Variants in EDAR observed in about 807,000 individuals in gnomAD.
EDAR encodes the protein tumor necrosis factor receptor superfamily member EDAR.
EDAR carries 38 observed loss-of-function variants against 51.3 expected under a neutral mutation model. That is an observed-to-expected ratio of 0.74 (90% CI 0.57 to 0.97). The LOEUF is 0.97. Ranked by LOEUF, EDAR falls within the 50% of genes least tolerant of loss-of-function variation. EDAR has a pLI of 0.00. For synonymous variants in EDAR, 227 were observed against 242.1 expected (o/e 0.94, Z 0.58); for missense variants, 528 against 595.0 (o/e 0.89, Z 1.17).
Position 108,897,287 on chromosome 2 carries a change from C to T in EDAR, c.1025-58G>A. 6.8e-6 allele frequency: 10 copies of T among 1,469,666 alleles called. No individual in the cohort carries two copies. In the South Asian group the frequency reaches 1.1e-4, roughly 16 times the overall value. The allele number at this position is 1,469,666 out of a possible 1,614,324, so 91.0% of individuals were successfully genotyped here. A position where few individuals can be genotyped will look rare whatever the true frequency, so the allele number is the denominator to read the frequency against. ...CAAGTCACAGTCAATAGAAGGTCAACACTGAAAAATTATTTAAATGAAATA... is the reference window on the plus strand; with the variant it reads ...CAAGTCACAGTCAATAGAAGGTCAATACTGAAAAATTATTTAAATGAAATA... On this transcript the variant is annotated intron_variant, in intron 11 of 11. Transcript: ENST00000258443.
intron 11 of EDAR, among the ~76,000 whole-genome samples, chr2:108,902,150 A>C (rs1239247880): frequency 1.3e-5 from 2 of 151,896 alleles, no homozygotes; most frequent in Non-Finnish European, 2.9e-5. Context: ...AGAAAGGAGA[A>C]TCGCTTAAAC....
In EDAR at chr2:108,908,618, C is replaced by T. The variant is rs576787939; in HGVS notation, c.804-599G>A. ...GGGTGGGCGGTCGGACCCACCAAGC[C>T]CAGGTTCATGCCGCCCTGTGGCTCA... On this transcript the variant is annotated intron_variant, in intron 9 of 11. Transcript: ENST00000258443. Among the ~76,000 whole-genome samples, 396 of 152,264 alleles carry T rather than the reference C, an allele frequency of 2.6e-3. 1 individual carries two copies. The highest frequency in any genetic ancestry group is 9.2e-3 in the African/African-American group (384 of 41,558).
At chr2:108,918,016 T>G (rs1697058805) in intron 5 of EDAR, among the ~76,000 whole-genome samples, 1 of 152,052 alleles carries the variant, frequency 6.6e-6, no homozygotes, top group Non-Finnish European at 1.5e-5. Context: ...AGTATGCATT[T>G]TTATATTATT....
intron 1 of EDAR, among the ~76,000 whole-genome samples, chr2:108,983,547 G>A (rs576672787): frequency 1.3e-5 from 2 of 152,222 alleles, no homozygotes; most frequent in South Asian, 4.1e-4. Flanking sequence ...CAGACATCAA[G>A]TCAACAATCC....
At chr2:108,900,349 A>G (rs1696675282) in intron 11 of EDAR, among the ~76,000 whole-genome samples, 1 of 152,232 alleles carries the variant, frequency 6.6e-6, no homozygotes, top group South Asian at 2.1e-4. Context: ...TGAGGTCAGG[A>G]GTTCTAGACC....
At chr2:108,945,985 C>T (rs577210548) in intron 1 of EDAR, among the ~76,000 whole-genome samples, 6 of 152,326 alleles carry the variant, frequency 3.9e-5, no homozygotes, top group South Asian at 2.1e-4. Flanking sequence ...TTCAAGCAAA[C>T]TAATGACTTG....
chr2:108,968,448 G>A lies in EDAR; in HGVS notation c.-19+20512C>T, dbSNP rs143133748. ...TAGCATTTTCTGTTCATTATGGGGAGGTTTGTCCCCAGCAGTTCTAACCAG... is the reference window on the plus strand; with the variant it reads ...TAGCATTTTCTGTTCATTATGGGGAAGTTTGTCCCCAGCAGTTCTAACCAG... On this transcript the variant is annotated intron_variant, in intron 1 of 11. Coordinates refer to ENST00000258443, the MANE Select transcript of EDAR (RefSeq NM_022336.4). Among the ~76,000 whole-genome samples the A allele has an allele frequency of 4.6e-3, 698 of 152,238 alleles. 5 individuals carry two copies. The highest frequency in any genetic ancestry group is 0.012 in the African/African-American group (492 of 41,536).
At chr2:108,978,593 A>G (rs904585022) in intron 1 of EDAR, among the ~76,000 whole-genome samples, 1 of 152,232 alleles carries the variant, frequency 6.6e-6, no homozygotes, top group African/African-American at 2.4e-5. Context: ...CTTGTTTAAC[A>G]GTGATTTTTA....
Position 108,894,960 on chromosome 2 carries a change from C to T in EDAR, c.*1947G>A, listed in dbSNP as rs1007471031. On this transcript the variant is annotated 3_prime_UTR_variant, in exon 12 of 12. Coordinates refer to ENST00000258443, the MANE Select transcript of EDAR (RefSeq NM_022336.4). ...TTCTGAGGAGGGTGCAAGCTGTTAT[C>T]CTGGAATGGCACACTCATCACAAGT... The T allele has an allele frequency of 6.6e-6, 1 of 152,232 alleles. No homozygotes were observed. The highest frequency in any genetic ancestry group is 2.4e-5 in the African/African-American group (1 of 41,414). The allele number at this position is 152,232 out of a possible 1,614,324, so 9.4% of individuals were successfully genotyped here. A position where few individuals can be genotyped will look rare whatever the true frequency, so the allele number is the denominator to read the frequency against.
At position 108,964,649 on chromosome 2, in the gene EDAR, C is replaced by T. The variant is rs1698115749; in HGVS notation, c.-19+24311G>A. Among the ~76,000 whole-genome samples the T allele has an allele frequency of 2.0e-5, 3 of 152,166 alleles. No individual in the cohort carries two copies. The South Asian group carries it at 6.2e-4, about 32-fold the overall frequency. On this transcript the variant is annotated intron_variant, in intron 1 of 11. Transcript: ENST00000258443. Reference sequence around the variant, plus strand: ...TGAGCAAATGGAGCAGCAAATAGCACTCCAATTCCAGAAAGAAGAAGTGCT... The same window carrying T: ...TGAGCAAATGGAGCAGCAAATAGCATTCCAATTCCAGAAAGAAGAAGTGCT...
intron 1 of EDAR, among the ~76,000 whole-genome samples, chr2:108,984,477 T>C (rs1182545773): frequency 6.6e-6 from 1 of 152,102 alleles, no homozygotes; most frequent in Non-Finnish European, 1.5e-5. Context: ...CCTCTCCTTC[T>C]GTTCAACCCT....
In EDAR at chr2:108,957,376, T is replaced by C. The variant is rs141821529; in HGVS notation, c.-18-26344A>G. Among the ~76,000 whole-genome samples, 279 of 152,352 alleles carry C rather than the reference T, an allele frequency of 1.8e-3. 1 individual carries two copies. The highest frequency in any genetic ancestry group is 6.4e-3 in the African/African-American group (267 of 41,586). ...AGGTCTTAGTCACTGGTTTAGGAAG[T>C]CGGGGGCAGGTAATGACATCTGTTT... On this transcript the variant is annotated intron_variant, in intron 1 of 11. Transcript: ENST00000258443.
At chr2:108,908,604 C>T (rs188947432) in intron 9 of EDAR, among the ~76,000 whole-genome samples, 25 of 152,218 alleles carry the variant, frequency 1.6e-4, no homozygotes, top group African/African-American at 4.8e-4. Context: ...GGTGGGCGGT[C>T]GGACCCACCA....
intron 6 of EDAR, among the ~76,000 whole-genome samples, chr2:108,912,136 G>GA (rs1696940005): frequency 6.6e-6 from 1 of 152,142 alleles, no homozygotes; most frequent in East Asian, 1.9e-4. Context: ...ACCTGGGCCC[G>GA]AAACATGCTT....
chr2:108,943,269 G>C (rs997855182), intron 1 of EDAR, among the ~76,000 whole-genome samples: 1 of 152,180 alleles, frequency 6.6e-6, no homozygotes, highest in African/African-American at 2.4e-5. Flanking sequence ...ACCTGAGACG[G>C]GTCTGCTCCG....
chr2:108,897,276 TAGA>T, intron 11 of EDAR, 47 bp from the exon 12 acceptor site: 1 of 1,543,620 alleles, frequency 6.5e-7, no homozygotes, highest in Non-Finnish European at 9.0e-7. Flanking sequence ...TCACAGTCAA[TAGA>T]AGGTCAACAC....
At chr2:108,972,644 C>T (rs1049610138) in intron 1 of EDAR, among the ~76,000 whole-genome samples, 1 of 152,256 alleles carries the variant, frequency 6.6e-6, no homozygotes, top group Admixed American at 6.5e-5. Context: ...GTCTTCCCCA[C>T]TCTGCTTGCC....
Position 108,912,707 on chromosome 2 carries a change from G to T in EDAR, c.500C>A (p.Thr167Asn), listed in dbSNP as rs1324059023. 6 of 1,601,260 alleles carry T rather than the reference G, an allele frequency of 3.7e-6. No individual in the cohort carries two copies. The highest frequency in any genetic ancestry group is 1.1e-5 in the South Asian group (1 of 87,816). The stretch of plus-strand genomic sequence containing the variant: ...GTGGGCGTGCTGGAAGGGAGACAGG[G>T]TGCTGCTGCCCGAGGTGCCAGGGAA... ...ANFPGTSGSSTLSPFQHAHKE... is the reference protein window; with the variant it reads ...ANFPGTSGSSNLSPFQHAHKE... Residue 167 changes from threonine (T) to asparagine (N), a missense_variant, in exon 6 of 12, where the codon ACC becomes AAC. By Grantham distance (65) the Thr-to-Asn change is moderately conservative (BLOSUM62 0). Transcript: ENST00000258443.
intron 1 of EDAR, among the ~76,000 whole-genome samples, chr2:108,956,764 G>A (rs1272419042): frequency 6.7e-6 from 1 of 150,326 alleles, no homozygotes; most frequent in Non-Finnish European, 1.5e-5. Flanking sequence ...TTGAAGCTCA[G>A]CAGGAAAGGC....
Sources: allele counts gnomAD v4.1 joint callset (sites outside exome capture counted in the v4.1 genomes callset), GRCh38; gene constraint gnomAD v4.1.1; transcripts MANE v1.5; gene names NCBI Gene and HGNC (gene_info 2026-07-23, HGNC 2026-07-21).